The following CELF2 variants were observed in gnomAD, a reference collection of about 807,000 sequenced individuals.
The protein encoded by CELF2 is CUG triplet repeat RNA-binding protein 2.
A neutral mutation model predicts 62.6 loss-of-function variants in CELF2; 8 were observed. The observed-to-expected ratio is 0.13, with a 90% confidence interval of 0.07 to 0.23. CELF2 has a LOEUF of 0.23. CELF2 is among the 10% of genes least tolerant of loss of function. The pLI, the probability that CELF2 is intolerant of heterozygous loss-of-function variation, is 1.00. For synonymous variants in CELF2, 258 were observed against 250.0 expected, an observed-to-expected ratio of 1.03 and a Z score of -0.30; for missense variants, 333 against 671.0, an observed-to-expected ratio of 0.50 and a Z score of 5.56.
At chr10:11,209,943 C>T (rs1016847811) in intron 2 of CELF2, among the ~76,000 whole-genome samples, 1 of 152,118 alleles carries the variant, frequency 6.6e-6, no homozygotes, top group Non-Finnish European at 1.5e-5. Flanking sequence ...AGTTGCAGTT[C>T]GACTTGTGTG....
At chr10:10,600,407 T>G in the CELF2 span, among the ~76,000 whole-genome samples, 1 of 152,234 alleles carries the variant, frequency 6.6e-6, no homozygotes, top group Non-Finnish European at 1.5e-5. Flanking sequence ...TTTATTCTTT[T>G]GATTGGAAGG....
intron 11 of CELF2, among the ~76,000 whole-genome samples, chr10:11,323,517 G>GT (rs1255773052): frequency 1.3e-5 from 2 of 151,934 alleles, no homozygotes; most frequent in Non-Finnish European, 2.9e-5. Flanking sequence ...GACCTGGTGT[G>GT]TTTTTTCCCC....
At chr10:10,474,989 G>T in the CELF2 span, among the ~76,000 whole-genome samples, 1 of 152,066 alleles carries the variant, frequency 6.6e-6, no homozygotes, top group Non-Finnish European at 1.5e-5. Context: ...ATAGGATAAT[G>T]CTTTCTTTGG....
At chr10:10,838,004 T>C (rs1317893782) in intron 1 of CELF2, among the ~76,000 whole-genome samples, 1 of 152,226 alleles carries the variant, frequency 6.6e-6, no homozygotes, top group African/African-American at 2.4e-5. Flanking sequence ...GTATTCTGTT[T>C]TCCTTGCTTT....
chr10:10,974,396 C>T lies in CELF2; in HGVS notation c.89+54397C>T, dbSNP rs575884520. ...TGTAGTTAGAGAGAGGTGTTAGAAA[C>T]AGTAAGCCTGAAATTCAATACTTAG... On this transcript the variant is annotated intron_variant, in intron 2 of 13. Transcript: ENST00000636488. Among the ~76,000 whole-genome samples the T allele has an allele frequency of 2.6e-5, 4 of 152,210 alleles. No homozygotes were observed. In the South Asian group the frequency reaches 8.3e-4, roughly 32 times the overall value.
the CELF2 span, among the ~76,000 whole-genome samples, chr10:10,484,440 C>T: frequency 6.8e-6 from 1 of 146,412 alleles, no homozygotes; most frequent in Non-Finnish European, 1.5e-5. Flanking sequence ...CCTCAGCCCC[C>T]CAAGGAGCTG....
chr10:10,726,809 G>A, the CELF2 span, among the ~76,000 whole-genome samples: 1 of 152,176 alleles, frequency 6.6e-6, no homozygotes, highest in Non-Finnish European at 1.5e-5. Context: ...GTATTAGTTT[G>A]TTCTCACATT....
intron 1 of CELF2, among the ~76,000 whole-genome samples, chr10:11,153,807 C>A (rs2063783006): frequency 6.6e-6 from 1 of 152,174 alleles, no homozygotes; most frequent in African/African-American, 2.4e-5. Context: ...GAATGGATTT[C>A]TTTTTGGGTA....
the CELF2 span, among the ~76,000 whole-genome samples, chr10:10,608,771 C>T: frequency 1.1e-4 from 16 of 152,204 alleles, no homozygotes; most frequent in African/African-American, 2.9e-4. Flanking sequence ...GCTTCTACTC[C>T]GCCACATATC....
chr10:11,190,155 T>G (rs2075966080), intron 2 of CELF2, among the ~76,000 whole-genome samples: 1 of 152,192 alleles, frequency 6.6e-6, no homozygotes, highest in Non-Finnish European at 1.5e-5. Flanking sequence ...ATGTCTTATC[T>G]CCTCCAACCA....
intron 1 of CELF2, among the ~76,000 whole-genome samples, chr10:11,018,399 G>A (rs1392480240): frequency 6.6e-6 from 1 of 151,704 alleles, no homozygotes; most frequent in Non-Finnish European, 1.5e-5. Context: ...GGAGCGCGGC[G>A]TCCCGGGGAC....
chr10:10,859,369 C>G (rs780920618), intron 1 of CELF2, among the ~76,000 whole-genome samples: 1 of 152,002 alleles, frequency 6.6e-6, no homozygotes. Context: ...TAAGAAGAGG[C>G]TAAATGAAGT....
At chr10:10,507,444 A>G in the CELF2 span, among the ~76,000 whole-genome samples, 1 of 152,174 alleles carries the variant, frequency 6.6e-6, no homozygotes, top group Non-Finnish European at 1.5e-5. Flanking sequence ...GATTGTTCTC[A>G]GAGTCTCAAC....
At chr10:10,908,214 A>ATTTTTTTTTTTTTTTTTTTTTTTTTTT (rs796857171) in intron 1 of CELF2, among the ~76,000 whole-genome samples, 1 of 83,738 alleles carries the variant, frequency 1.2e-5, no homozygotes. Flanking sequence ...GTATGAGGGG[A>ATTTTTTTTTTTTTTTTTTTTTTTTTTT]TTTTTTTTTT....
chr10:11,302,250 C>G lies in CELF2; in HGVS notation c.977-11889C>G, dbSNP rs2093829012. ...CTCTCACCTTCTCATGCCTCAGAAT[C>G]AAGTTTTCACCCAGTCGTGATGGAA... is the stretch of plus-strand genomic sequence containing the variant. On this transcript the variant is annotated intron_variant, in intron 9 of 12. Coordinates refer to ENST00000633077, the MANE Select transcript of CELF2 (RefSeq NM_001326342.2). This position sits in a 1 kb window ranked among gnomAD's most constrained non-coding sequence, Gnocchi z 5.0. 6.6e-6 allele frequency among the ~76,000 whole-genome samples: 1 copy of G among 152,170 alleles called. No individual in the cohort carries two copies. Among genetic ancestry groups the G allele is most frequent in the African/African-American group, 2.4e-5 (1 of 41,432 alleles).
chr10:10,726,531 C>T, the CELF2 span, among the ~76,000 whole-genome samples: 2 of 152,166 alleles, frequency 1.3e-5, no homozygotes, highest in South Asian at 2.1e-4. Flanking sequence ...TTCTCTCTCC[C>T]GCTTTTAGAA....
At chr10:10,876,798 G>C (rs1488429614) in intron 1 of CELF2, among the ~76,000 whole-genome samples, 2 of 152,196 alleles carry the variant, frequency 1.3e-5, no homozygotes, top group African/African-American at 4.8e-5. Flanking sequence ...AGATAAGAGT[G>C]ATATTTCAGA....
Position 11,018,059 on chromosome 10 carries a change from C to T in CELF2, c.-31C>T, listed in dbSNP as rs1156294222. ...CGCTCGGACGCGCGCAGAGCCGCCC[C>T]CCGCCGCTGCCGCCGCGTGCGCCCG... On this transcript the variant is annotated 5_prime_UTR_variant, in exon 1 of 13. Transcript: ENST00000633077. The T allele has an allele frequency of 4.3e-6, 6 of 1,404,730 alleles. No homozygotes were observed. The highest frequency in any genetic ancestry group is 5.7e-6 in the Non-Finnish European group (6 of 1,059,568). 87.0% of individuals were successfully genotyped at this position (1,404,730 alleles called of 1,614,324 possible).
At chr10:10,576,285 G>T in the CELF2 span, among the ~76,000 whole-genome samples, 1 of 152,162 alleles carries the variant, frequency 6.6e-6, no homozygotes, top group African/African-American at 2.4e-5. Flanking sequence ...TCTAAAGTTT[G>T]TAGTTAATAT....
Sources: gnomAD v4.1 joint callset for allele counts (sites outside exome capture counted in the v4.1 genomes callset) on GRCh38, gnomAD v4.1.1 for gene constraint, Gnocchi (gnomAD v3.1) non-coding constraint, MANE v1.5 for transcripts, NCBI Gene and HGNC (gene_info 2026-07-23, HGNC 2026-07-21) for gene names.